The following TENM2 variants were observed in gnomAD, a reference collection of about 807,000 sequenced individuals.
TENM2 encodes teneurin transmembrane protein 2.
In TENM2, 52 loss-of-function variants were observed where a neutral mutation model predicts 245.2. The observed-to-expected ratio is 0.21, with a 90% CI of 0.17 to 0.27. TENM2 has a LOEUF of 0.27. Among genes scored for constraint, TENM2 ranks in the 10% least tolerant of loss-of-function variants. The pLI is 1.00. For synonymous variants in TENM2, 1,363 were observed against 1,438.9 expected (o/e 0.95, Z 1.19); for missense variants, 3,046 against 3,666.8 (o/e 0.83, Z 4.37).
the TENM2 span, among the ~76,000 whole-genome samples, chr5:167,103,679 T>C: frequency 6.6e-6 from 1 of 152,164 alleles, no homozygotes; most frequent in African/African-American, 2.4e-5. Context: ...ACCCATCCCA[T>C]CCATTCTCCC....
chr5:167,508,579 A>C (rs1384057760), intron 2 of TENM2, among the ~76,000 whole-genome samples: 1 of 152,170 alleles, frequency 6.6e-6, no homozygotes, highest in African/African-American at 2.4e-5. Flanking sequence ...TCATCCCCCA[A>C]ATGCCACTGT....
chr5:167,701,506 A>G (rs1194137531), intron 2 of TENM2, among the ~76,000 whole-genome samples: 1 of 152,112 alleles, frequency 6.6e-6, no homozygotes, highest in Non-Finnish European at 1.5e-5. Context: ...AGAAGAAGAA[A>G]ACAACATAGG....
At chr5:167,452,961 A>ATATATATATATATATATATAT (rs1561968262) in intron 2 of TENM2, among the ~76,000 whole-genome samples, 4 of 77,082 alleles carry the variant, frequency 5.2e-5, no homozygotes, top group South Asian at 4.8e-4. Flanking sequence ...ATATATATAT[A>ATATATATATATATATATATAT]TTTAAAAAAA....
chr5:167,259,214 C>G, the TENM2 span, among the ~76,000 whole-genome samples: 2 of 151,938 alleles, frequency 1.3e-5, no homozygotes, highest in Non-Finnish European at 2.9e-5. Context: ...GCAGGTAATG[C>G]GAATGATGGA....
the TENM2 span, among the ~76,000 whole-genome samples, chr5:167,129,967 G>A: frequency 6.6e-6 from 1 of 152,170 alleles, no homozygotes; most frequent in African/African-American, 2.4e-5. Context: ...GAAAAATCCT[G>A]TTCCATAACC....
intron 3 of TENM2, among the ~76,000 whole-genome samples, chr5:167,934,052 C>T (rs1359382595): frequency 6.6e-6 from 1 of 152,012 alleles, no homozygotes; most frequent in African/African-American, 2.4e-5. Context: ...TAGGATTGCA[C>T]CTTATAGGAG....
intron 15 of TENM2, 132 bp from the exon 18 acceptor site, chr5:168,198,721 C>A (rs1761676325): frequency 8.5e-7 from 1 of 1,169,624 alleles, no homozygotes; most frequent in Non-Finnish European, 1.2e-6. Flanking sequence ...CCAGCCCCAC[C>A]TGTCTGCCTC....
chr5:167,006,421 A>C, the TENM2 span, among the ~76,000 whole-genome samples: 5 of 152,298 alleles, frequency 3.3e-5, no homozygotes, highest in Admixed American at 3.3e-4. Context: ...AAATGCTATA[A>C]AGCATGGCAT....
intron 4 of TENM2, among the ~76,000 whole-genome samples, chr5:167,974,948 CA>C (rs1327241501): frequency 6.6e-6 from 1 of 152,178 alleles, no homozygotes; most frequent in Non-Finnish European, 1.5e-5. Flanking sequence ...TCTTGTCAAG[CA>C]AAACTTGAGA....
exon 8 of TENM2, chr5:168,090,673 G>A (rs755803624): frequency 1.3e-5 from 21 of 1,613,802 alleles, no homozygotes; most frequent in African/African-American, 1.1e-4. Context: ...GAATGAAGCC[G>A]TGTTTGTGCA....
upstream of TENM2, among the ~76,000 whole-genome samples, chr5:167,283,103 G>A (rs1434454350): frequency 6.6e-6 from 1 of 151,494 alleles, no homozygotes. Context: ...GGAGTGCAAT[G>A]GCAGATCTCA....
At chr5:167,148,566 G>A in the TENM2 span, among the ~76,000 whole-genome samples, 1 of 152,112 alleles carries the variant, frequency 6.6e-6, no homozygotes, top group Admixed American at 6.6e-5. Context: ...GCAAACATCT[G>A]TAGTTTTTAG....
intron 13 of TENM2, 129 bp from the exon 16 acceptor site, chr5:168,190,208 C>T (rs750326833): frequency 9.2e-5 from 58 of 630,842 alleles, no homozygotes; most frequent in Non-Finnish European, 1.4e-4. Flanking sequence ...CTGTGTGAAA[C>T]CTGCCACCTC....
Position 167,368,300 on chromosome 5 carries a change from A to C in TENM2, c.227-6898A>C, listed in dbSNP as rs1487056095. On this transcript the variant is annotated intron_variant, in intron 1 of 28. Coordinates refer to ENST00000518659, the Ensembl canonical transcript of TENM2. ...TTGAATGATGCATATTTTTTTTCAAAGTGATAAAGAATAACAGTTTGGGGG... is the reference window on the plus strand; with the variant it reads ...TTGAATGATGCATATTTTTTTTCAACGTGATAAAGAATAACAGTTTGGGGG... Among the ~76,000 whole-genome samples the C allele has an allele frequency of 2.0e-5, 3 of 152,170 alleles. No homozygotes were observed. The East Asian group carries it at 5.8e-4, about 29-fold the overall frequency.
intron 7 of TENM2, among the ~76,000 whole-genome samples, chr5:168,084,467 A>G (rs149097545): frequency 8.5e-5 from 13 of 152,334 alleles, no homozygotes; most frequent in African/African-American, 2.9e-4. Flanking sequence ...GTGAGATAGT[A>G]TCTCATTGTG....
intron 3 of TENM2, among the ~76,000 whole-genome samples, chr5:167,894,968 AGGAAGGAAGGAAGGAAGGAAGGAG>A (rs1583301537): frequency 1.6e-5 from 2 of 123,760 alleles, no homozygotes; most frequent in East Asian, 2.9e-4. Flanking sequence ...GAAGGAAGGA[AGGAAGGAAGGAAGGAAGGAAGGAG>A]GGAAGGAAGG....
chr5:167,440,744 C>T (rs1331680406), intron 2 of TENM2, among the ~76,000 whole-genome samples: 1 of 152,048 alleles, frequency 6.6e-6, no homozygotes, highest in African/African-American at 2.4e-5. Context: ...CCTTCTTCTG[C>T]TCTGTTTCTG....
At chr5:167,155,779 C>T in the TENM2 span, among the ~76,000 whole-genome samples, 2 of 152,234 alleles carry the variant, frequency 1.3e-5, no homozygotes, top group African/African-American at 4.8e-5. Context: ...TACATTCACT[C>T]TGCAAGTGAA....
intron 2 of TENM2, among the ~76,000 whole-genome samples, chr5:167,535,321 G>T (rs997525647): frequency 5.3e-5 from 8 of 151,910 alleles, no homozygotes; most frequent in African/African-American, 1.7e-4. Context: ...AGGGAAATGG[G>T]ACCTTAGAGA....
Sources: gnomAD v4.1 joint callset for allele counts (sites outside exome capture counted in the v4.1 genomes callset) on GRCh38, gnomAD v4.1.1 for gene constraint, MANE v1.5 for transcripts, NCBI Gene and HGNC (gene_info 2026-07-23, HGNC 2026-07-21) for gene names.